The following MFSD6 variants were observed in gnomAD, a reference collection of about 807,000 sequenced individuals.
MFSD6 encodes the protein major facilitator superfamily domain containing 6, also known as major facilitator superfamily domain-containing protein 6.
MFSD6 carries 26 observed loss-of-function variants against 56.3 expected under a neutral mutation model. The observed-to-expected ratio is 0.46, with a 90% CI of 0.34 to 0.64. MFSD6 has a LOEUF of 0.64. MFSD6 is among the 30% of genes least tolerant of loss of function. The pLI is 0.01. For synonymous variants in MFSD6, 331 were observed against 366.9 expected, an observed-to-expected ratio of 0.90 and a Z score of 1.12; for missense variants, 750 against 986.2, an observed-to-expected ratio of 0.76 and a Z score of 3.21.
intron 3 of MFSD6, among the ~76,000 whole-genome samples, chr2:190,444,201 A>G (rs1316705986): frequency 2.0e-5 from 3 of 152,240 alleles, no homozygotes; most frequent in East Asian, 3.8e-4. Context: ...ATAAAAGGTA[A>G]TAACTTTTCT....
At position 190,408,517 on chromosome 2, in the gene MFSD6, G is replaced by A. The variant is rs1235805324; in HGVS notation, c.-176+14G>A. The A allele has an allele frequency of 1.5e-4, 23 of 151,884 alleles. No homozygotes were observed. The highest frequency in any genetic ancestry group is 2.8e-4 in the Non-Finnish European group (19 of 67,802). The allele number at this position is 151,884 out of a possible 1,614,324, so 9.4% of individuals were successfully genotyped here. ...CCGCCGCAGCAGGTGAGTCGGGCCCGGCTTGCGGAGAAGGGGCTCGCAGAC... is the reference window on the plus strand; with the variant it reads ...CCGCCGCAGCAGGTGAGTCGGGCCCAGCTTGCGGAGAAGGGGCTCGCAGAC... On this transcript the variant is annotated intron_variant, in intron 1 of 7. Coordinates refer to ENST00000392328, the MANE Select transcript of MFSD6 (RefSeq NM_017694.4).
At chr2:190,411,562 A>G (rs1028931825) in intron 1 of MFSD6, 39 of 982,612 alleles carry the variant, frequency 4.0e-5, no homozygotes, top group Non-Finnish European at 4.7e-5. Context: ...TTTTTGGAAC[A>G]AGCATGTGTT....
chr2:190,499,983 A>T lies in MFSD6; in HGVS notation c.2173-32A>T. On this transcript the variant is annotated intron_variant, in intron 7 of 7. Transcript: ENST00000392328. The surrounding 1 kb of genome is among the most constrained non-coding windows in gnomAD (Gnocchi z 6.0). Reference sequence around the variant, plus strand: ...AAGTTGGATTTATTTGCTATCACTGATCATGGGGCATCTCCTGTTTTTTAC... The same window carrying T: ...AAGTTGGATTTATTTGCTATCACTGTTCATGGGGCATCTCCTGTTTTTTAC... 6.2e-7 allele frequency: 1 copy of T among 1,611,200 alleles called. No individual in the cohort carries two copies. The highest frequency in any genetic ancestry group is 1.3e-5 in the African/African-American group (1 of 74,956).
Position 190,502,157 on chromosome 2 carries a change from T to C in MFSD6, c.*1939T>C, listed in dbSNP as rs1394261736. On this transcript the variant is annotated 3_prime_UTR_variant, in exon 8 of 8. Coordinates refer to ENST00000392328, the MANE Select transcript of MFSD6 (RefSeq NM_017694.4). The surrounding 1 kb of genome is among the most constrained non-coding windows in gnomAD (Gnocchi z 4.4). ...TGAGACCAAATTCAACATGCCTTTGTTATGGAACATTTACTGTGACAGCAG... is the reference window on the plus strand; with the variant it reads ...TGAGACCAAATTCAACATGCCTTTGCTATGGAACATTTACTGTGACAGCAG... 1 of 152,298 alleles carries C rather than the reference T, an allele frequency of 6.6e-6. No individual in the cohort carries two copies. Among genetic ancestry groups the C allele is most frequent in the Non-Finnish European group, 1.5e-5 (1 of 68,042 alleles). 9.4% of individuals were successfully genotyped at this position (152,298 alleles called of 1,614,324 possible).
chr2:190,484,832 T>A (rs562461461), intron 4 of MFSD6, among the ~76,000 whole-genome samples: 166 of 152,318 alleles, frequency 1.1e-3, no homozygotes, highest in African/African-American at 3.9e-3. Context: ...TTTAGGGAAA[T>A]CAATTTTAAT....
chr2:190,465,392 G>A lies in MFSD6; in HGVS notation c.1533-4366G>A, dbSNP rs1390911064. ...CTGTTTTTGAGTTTTATCATTATAG[G>A]TGTTCAGTAGGTATCTATATCTCGT... On this transcript the variant is annotated intron_variant, in intron 3 of 7. Transcript: ENST00000392328. The surrounding 1 kb of genome is among the most constrained non-coding windows in gnomAD (Gnocchi z 4.6). Among the ~76,000 whole-genome samples the A allele has an allele frequency of 6.6e-6, 1 of 151,718 alleles. No homozygotes were observed. Among genetic ancestry groups the A allele is most frequent in the Non-Finnish European group, 1.5e-5 (1 of 67,946 alleles).
rs540254807 is a variant in MFSD6 at position 190,426,802 on chromosome 2, G to A, written c.-53-9175G>A. Among the ~76,000 whole-genome samples the A allele has an allele frequency of 6.6e-6, 1 of 151,630 alleles. No individual in the cohort carries two copies. The highest frequency in any genetic ancestry group is 6.5e-5 in the Admixed American group (1 of 15,274). On this transcript the variant is annotated intron_variant, in intron 2 of 7. Coordinates refer to ENST00000392328, the MANE Select transcript of MFSD6 (RefSeq NM_017694.4). This position sits in a 1 kb window ranked among gnomAD's most constrained non-coding sequence, Gnocchi z 4.7. The stretch of plus-strand genomic sequence containing the variant: ...ACGAATGATTTTTTATTGAAAGCAA[G>A]ATGTTTTGGGTATTATTTTATGAGA...
rs1487762791 is a variant in MFSD6 at position 190,451,957 on chromosome 2, CTTCA to C, written c.1532+14400_1532+14403del. The stretch of plus-strand genomic sequence containing the variant: ...CCCTACTTTACAAAGGTCCATTTTT[CTTCA>C]TTCTCTGAGTTTTAGAGAAATTACA... On this transcript the variant is annotated intron_variant, in intron 3 of 7. Transcript: ENST00000392328. This position sits in a 1 kb window ranked among gnomAD's most constrained non-coding sequence, Gnocchi z 5.0. 1.3e-5 allele frequency among the ~76,000 whole-genome samples: 2 copies of C among 152,090 alleles called. No homozygotes were observed. Among genetic ancestry groups the C allele is most frequent in the Admixed American group, 6.5e-5 (1 of 15,274 alleles).
At position 190,424,984 on chromosome 2, in the gene MFSD6, G is replaced by T. The variant is rs913626243; in HGVS notation, c.-54+9571G>T. On this transcript the variant is annotated intron_variant, in intron 2 of 7. Coordinates refer to ENST00000392328, the MANE Select transcript of MFSD6 (RefSeq NM_017694.4). This position sits in a 1 kb window ranked among gnomAD's most constrained non-coding sequence, Gnocchi z 5.9. ...CCTGTATATCAATTTGAGGAGAATT[G>T]AAATTCATAAACATGGATCCATTTA... Among the ~76,000 whole-genome samples, 12 of 152,156 alleles carry T rather than the reference G, an allele frequency of 7.9e-5. No individual in the cohort carries two copies. The highest frequency in any genetic ancestry group is 5.9e-4 in the Admixed American group (9 of 15,280).
At position 190,497,878 on chromosome 2, in the gene MFSD6, T is replaced by TA. The variant is rs1689795702; in HGVS notation, c.2172+162dup. The TA allele has an allele frequency of 6.1e-6, 5 of 819,316 alleles. No individual in the cohort carries two copies. Among genetic ancestry groups the TA allele is most frequent in the South Asian group, 5.5e-5 (3 of 54,596 alleles). 50.8% of individuals were successfully genotyped at this position (819,316 alleles called of 1,614,324 possible). On this transcript the variant is annotated intron_variant, in intron 7 of 7. Transcript: ENST00000392328. The surrounding 1 kb of genome is among the most constrained non-coding windows in gnomAD (Gnocchi z 5.2). The stretch of plus-strand genomic sequence containing the variant: ...TTTCAGTACTCTGTGAGCACTGAGT[T>TA]AAAGAGGGTGTATACAAGGTCCCAT...
rs1358967332 is a variant in MFSD6, at chr2:190,426,792, T to C, written c.-53-9185T>C. On this transcript the variant is annotated intron_variant, in intron 2 of 7. Coordinates refer to ENST00000392328, the MANE Select transcript of MFSD6 (RefSeq NM_017694.4). This position sits in a 1 kb window ranked among gnomAD's most constrained non-coding sequence, Gnocchi z 4.7. ...TCTTGGTGTGACGAATGATTTTTTA[T>C]TGAAAGCAAGATGTTTTGGGTATTA... 2.0e-5 allele frequency among the ~76,000 whole-genome samples: 3 copies of C among 152,138 alleles called. No homozygotes were observed. Among genetic ancestry groups the C allele is most frequent in the African/African-American group, 7.3e-5 (3 of 41,378 alleles).
Position 190,462,423 on chromosome 2 carries a change from C to G in MFSD6, c.1533-7335C>G, listed in dbSNP as rs574752315. The stretch of plus-strand genomic sequence containing the variant: ...AATGACAGTAGCTTGTTGAGAAATA[C>G]TGTTTTCATGAGAGTAATGCTTCCT... On this transcript the variant is annotated intron_variant, in intron 3 of 7. Coordinates refer to ENST00000392328, the MANE Select transcript of MFSD6 (RefSeq NM_017694.4). The surrounding 1 kb of genome is among the most constrained non-coding windows in gnomAD (Gnocchi z 5.7). Among the ~76,000 whole-genome samples, 1 of 152,280 alleles carries G rather than the reference C, an allele frequency of 6.6e-6. No homozygotes were observed. The highest frequency in any genetic ancestry group is 1.5e-5 in the Non-Finnish European group (1 of 68,020).
In MFSD6 at chr2:190,469,797, T is replaced by C. The variant is rs1458781176; in HGVS notation, c.1572T>C (p.Tyr524=). 1.2e-6 allele frequency: 2 copies of C among 1,610,706 alleles called. No homozygotes were observed. The highest frequency in any genetic ancestry group is 2.2e-5 in the East Asian group (1 of 44,742). Reference sequence around the variant, plus strand: ...GCCTGGCCTGCAATACGGCTCGCTATATTTATATTTCCTACCTGGAGAATG... The same window carrying C: ...GCCTGGCCTGCAATACGGCTCGCTACATTTATATTTCCTACCTGGAGAATG... ...YIGLACNTAR[Y]IYISYLENAW... is the part of the protein sequence containing the mutation. The change falls in exon 4 of 8, where the codon TAT becomes TAC. Residue 524 remains tyrosine (Y), a synonymous_variant. Coordinates refer to ENST00000392328, the MANE Select transcript of MFSD6 (RefSeq NM_017694.4). This position sits in a 1 kb window ranked among gnomAD's most constrained non-coding sequence, Gnocchi z 5.3.
chr2:190,440,286 C>T (rs758868602), intron 3 of MFSD6, among the ~76,000 whole-genome samples: 68 of 152,290 alleles, frequency 4.5e-4, no homozygotes, highest in African/African-American at 1.6e-3. Context: ...CAACCAGTTT[C>T]TCAGGGACTG....
Position 190,443,739 on chromosome 2 carries a change from C to T in MFSD6, c.1532+6178C>T, listed in dbSNP as rs1686470295. Among the ~76,000 whole-genome samples, 1 of 152,140 alleles carries T rather than the reference C, an allele frequency of 6.6e-6. No individual in the cohort carries two copies. The highest frequency in any genetic ancestry group is 6.5e-5 in the Admixed American group (1 of 15,270). On this transcript the variant is annotated intron_variant, in intron 3 of 7. Transcript: ENST00000392328. This position sits in a 1 kb window ranked among gnomAD's most constrained non-coding sequence, Gnocchi z 4.2. ...CCTTTATATAATAGAATCTTTTGCT[C>T]TTATAAACAAAGGTTGTCTTCTTAA...
chr2:190,427,587 C>T (rs1685819927), intron 2 of MFSD6, among the ~76,000 whole-genome samples: 1 of 152,282 alleles, frequency 6.6e-6, no homozygotes, highest in Middle Eastern at 3.4e-3. Flanking sequence ...AGGTCCATAG[C>T]TGGTCTGCCT....
At chr2:190,453,311 C>T (rs1176431736) in intron 3 of MFSD6, among the ~76,000 whole-genome samples, 2 of 151,864 alleles carry the variant, frequency 1.3e-5, no homozygotes, top group African/African-American at 2.4e-5. Context: ...GGAAGAGGAT[C>T]CTGGAGTTTG....
At chr2:190,421,431 A>G (rs1685609370) in intron 2 of MFSD6, among the ~76,000 whole-genome samples, 1 of 152,152 alleles carries the variant, frequency 6.6e-6, no homozygotes, top group South Asian at 2.1e-4. Context: ...TTTCTTTCTC[A>G]GTTTTTATTT....
rs1421536731 is a variant in MFSD6 at position 190,456,868 on chromosome 2, C to A, written c.1533-12890C>A. 6.6e-6 allele frequency among the ~76,000 whole-genome samples: 1 copy of A among 152,198 alleles called. No homozygotes were observed. The highest frequency in any genetic ancestry group is 2.4e-5 in the African/African-American group (1 of 41,434). On this transcript the variant is annotated intron_variant, in intron 3 of 7. Transcript: ENST00000392328. This position sits in a 1 kb window ranked among gnomAD's most constrained non-coding sequence, Gnocchi z 5.4. ...ACACAGAATTTTGCTTCTGGGTAAG[C>A]TTTTCTCCTTTGATCTAGGATATTG...
Sources: allele counts gnomAD v4.1 joint callset (sites outside exome capture counted in the v4.1 genomes callset), GRCh38; gene constraint gnomAD v4.1.1; non-coding constraint Gnocchi (gnomAD v3.1); transcripts MANE v1.5; gene names NCBI Gene and HGNC (gene_info 2026-07-23, HGNC 2026-07-21).